Variants in ZNF548 observed in about 807,000 individuals in gnomAD.
ZNF548 encodes zinc finger protein 548.
In ZNF548, 10 loss-of-function variants were observed where a neutral mutation model predicts 10.2. The observed-to-expected ratio is 0.98, with a 90% CI of 0.60 to 1.66. The LOEUF (loss-of-function observed/expected upper bound fraction) is 1.66, where lower values mean the gene tolerates loss of function less well. Ranked by LOEUF, ZNF548 falls within the 40% of genes most tolerant of loss-of-function variation. ZNF548 has a pLI of 0.00. For missense variants in ZNF548, 599 were observed against 657.0 expected (o/e 0.91, Z 0.97); for synonymous variants, 217 against 223.5 (o/e 0.97, Z 0.26).
intron 3 of ZNF548, 128 bp downstream of exon 3, chr19:57,397,302 T>C (rs1188380902): frequency 7.3e-7 from 1 of 1,364,644 alleles, no homozygotes; most frequent in Non-Finnish European, 9.7e-7. Context: ...TTGGCATATA[T>C]GCTGTGGGAG....
intron 1 of ZNF548, among the ~76,000 whole-genome samples, chr19:57,391,939 A>G (rs2088629477): frequency 6.6e-6 from 1 of 152,030 alleles, no homozygotes; most frequent in African/African-American, 2.4e-5. Context: ...CTGGGATTAC[A>G]GGTGCCCACC....
chr19:57,390,335 T>TG, intron 1 of ZNF548: 1 of 432,902 alleles, frequency 2.3e-6, no homozygotes, highest in Middle Eastern at 6.0e-4. Flanking sequence ...GCGTCAGGGG[T>TG]GTGTGTTGTT....
Position 57,402,922 on chromosome 19 carries a change from T to C in ZNF548, c.*3033T>C, listed in dbSNP as rs534494416. 2 of 152,218 alleles carry C rather than the reference T, an allele frequency of 1.3e-5. No homozygotes were observed. Among genetic ancestry groups the C allele is most frequent in the South Asian group, 4.1e-4 (2 of 4,834 alleles). The allele number at this position is 152,218 out of a possible 1,614,324, so 9.4% of individuals were successfully genotyped here. The stretch of plus-strand genomic sequence containing the variant: ...TGCCAGTGCCTATTTAAAAATGTCA[T>C]CTCTTTTCTACCAACTGGCAAAGAG... On this transcript the variant is annotated 3_prime_UTR_variant, in exon 4 of 4. Transcript: ENST00000336128.
rs774157669 is a variant in ZNF548, at chr19:57,399,463, T to G, written c.1212T>G (p.Pro404=). 9.3e-6 allele frequency: 15 copies of G among 1,613,972 alleles called. No individual in the cohort carries two copies. The highest frequency in any genetic ancestry group is 6.6e-5 in the South Asian group (6 of 91,084). Residue 404 remains proline (P), a synonymous_variant, in exon 4 of 4, where the codon CCT becomes CCG. Coordinates refer to ENST00000336128, the MANE Select transcript of ZNF548 (RefSeq NM_001172773.2). This position sits in a 1 kb window ranked among gnomAD's most constrained non-coding sequence, Gnocchi z 4.0. Reference sequence around the variant, plus strand: ...GGAGAAATCACACTGGAGAAAGGCCTTATAAATGCAGTGAATGTGGGAAAT... The same window carrying G: ...GGAGAAATCACACTGGAGAAAGGCCGTATAAATGCAGTGAATGTGGGAAAT... ...KHWRNHTGER[P]YKCSECGKSF... is the part of the protein sequence containing the mutation.
In ZNF548 at chr19:57,394,259, G is replaced by C. The variant is rs748401308; in HGVS notation, c.51+36G>C. 7 of 1,593,232 alleles carry C rather than the reference G, an allele frequency of 4.4e-6. No homozygotes were observed. In the South Asian group the frequency reaches 7.8e-5, roughly 18 times the overall value. Reference sequence around the variant, plus strand: ...TGTTTCCTACTATTCACCCACCCTGGTTATCTCCCAGATGGTTTTGGCAGG... The same window carrying C: ...TGTTTCCTACTATTCACCCACCCTGCTTATCTCCCAGATGGTTTTGGCAGG... On this transcript the variant is annotated intron_variant, in intron 2 of 3. Coordinates refer to ENST00000336128, the MANE Select transcript of ZNF548 (RefSeq NM_001172773.2).
chr19:57,394,113 C>G, intron 1 of ZNF548, 75 bp from the exon 2 acceptor site: 1 of 1,477,502 alleles, frequency 6.8e-7, no homozygotes, highest in South Asian at 1.2e-5. Flanking sequence ...GCAGGGCAGA[C>G]GAGGTGGTGG....
rs761486966 is a variant in ZNF548 at position 57,394,218 on chromosome 19, A to G, written c.46A>G (p.Thr16Ala). ...CCTGGCGATGGCAGAAATGGACCCT[A>G]CACAGGTGAGTAGAGTGTTTCCTAC... ...GPLAMAEMDP[T>A]QGRVVFEDVA... is the part of the protein sequence containing the mutation. The change falls in exon 2 of 4, where the codon ACA (threonine) becomes GCA (alanine). Residue 16 changes from threonine (T) to alanine (A), a missense_variant. Thr to Ala is a moderately conservative substitution (Grantham distance 58, BLOSUM62 0). Transcript: ENST00000336128. The G allele has an allele frequency of 1.2e-6, 2 of 1,604,372 alleles. No homozygotes were observed. Among genetic ancestry groups the G allele is most frequent in the African/African-American group, 1.3e-5 (1 of 74,902 alleles).
Position 57,398,553 on chromosome 19 carries a change from G to A in ZNF548, c.302G>A (p.Cys101Tyr), listed in dbSNP as rs1221109186. Residue 101 changes from cysteine to tyrosine, a missense_variant, in exon 4 of 4, where the codon TGT becomes TAT. Physicochemically the swap from Cys to Tyr is radical, Grantham distance 194. Transcript: ENST00000336128. ...SSQKVHPSET[C>Y]GPPLKDILCL... ...CAGAAGGTCCACCCTAGTGAGACATGTGGCCCACCCTTGAAAGACATTCTG... is the reference window on the plus strand; with the variant it reads ...CAGAAGGTCCACCCTAGTGAGACATATGGCCCACCCTTGAAAGACATTCTG... 6.2e-7 allele frequency: 1 copy of A among 1,614,082 alleles called. No individual in the cohort carries two copies. The highest frequency in any genetic ancestry group is 1.1e-5 in the South Asian group (1 of 91,090).
In ZNF548 at chr19:57,399,605, T is replaced by C; in HGVS notation, c.1354T>C (p.Trp452Arg). The C allele has an allele frequency of 6.2e-7, 1 of 1,611,394 alleles. No individual in the cohort carries two copies. Among genetic ancestry groups the C allele is most frequent in the Non-Finnish European group, 8.5e-7 (1 of 1,179,094 alleles). ...FRYNSNLIKH[W>R]RNHTGERPYE... Reference sequence around the variant, plus strand: ...TTACAACTCCAACCTCATTAAACATTGGAGAAATCACACTGGAGAAAGGCC... The same window carrying C: ...TTACAACTCCAACCTCATTAAACATCGGAGAAATCACACTGGAGAAAGGCC... Residue 452 changes from tryptophan to arginine, a missense_variant, in exon 4 of 4, where the codon TGG becomes CGG. Physicochemically the swap from Trp to Arg is moderately radical, Grantham distance 101. Transcript: ENST00000336128. The surrounding 1 kb of genome is among the most constrained non-coding windows in gnomAD (Gnocchi z 4.0).
In ZNF548 at chr19:57,399,866, A is replaced by G. The variant is rs756502493; in HGVS notation, c.1615A>G (p.Thr539Ala). 42 of 1,601,012 alleles carry G rather than the reference A, an allele frequency of 2.6e-5. No homozygotes were observed. The highest frequency in any genetic ancestry group is 3.4e-5 in the Non-Finnish European group (40 of 1,171,106). Residue 539 changes from threonine (T) to alanine (A), a missense_variant, in exon 4 of 4, where the codon ACA (threonine) becomes GCA (alanine). Coordinates refer to ENST00000336128, the MANE Select transcript of ZNF548 (RefSeq NM_001172773.2). The surrounding 1 kb of genome is among the most constrained non-coding windows in gnomAD (Gnocchi z 4.0). ...TPTSLNIRDF[T>A]MEKVYH ...AACCTCATTAAACATCAGAGATTTCACAATGGAGAAAGTTTACCATTGACT... is the reference window on the plus strand; with the variant it reads ...AACCTCATTAAACATCAGAGATTTCGCAATGGAGAAAGTTTACCATTGACT...
chr19:57,399,036 A>G lies in ZNF548; in HGVS notation c.785A>G (p.Glu262Gly), dbSNP rs1229689810. The G allele has an allele frequency of 1.2e-6, 2 of 1,614,130 alleles. No homozygotes were observed. The highest frequency in any genetic ancestry group is 1.7e-6 in the Non-Finnish European group (2 of 1,180,036). ...AAACATCAGACAGTTCACACTAGTG[A>G]AAGGACTTATGAGTGCAGAGAATGT... is the stretch of plus-strand genomic sequence containing the variant. ...FMKHQTVHTS[E>G]RTYECRECGK... The change falls in exon 4 of 4, where the codon GAA (glutamate) becomes GGA (glycine). Residue 262 changes from glutamate (E) to glycine (G), a missense_variant. Physicochemically the swap from Glu to Gly is moderately conservative, Grantham distance 98 (BLOSUM62 -2). Transcript: ENST00000336128. The surrounding 1 kb of genome is among the most constrained non-coding windows in gnomAD (Gnocchi z 4.0).
intron 3 of ZNF548, 141 bp from the exon 4 acceptor site, chr19:57,398,289 C>CGG: frequency 5.4e-6 from 8 of 1,471,110 alleles, no homozygotes; most frequent in Non-Finnish European, 7.3e-6. Context: ...CATAGTGGAC[C>CGG]CTCCTCTCAC....
At chr19:57,391,855 G>A (rs867030931) in intron 1 of ZNF548, among the ~76,000 whole-genome samples, 1 of 141,528 alleles carries the variant, frequency 7.1e-6, no homozygotes, top group Non-Finnish European at 1.5e-5. Flanking sequence ...GTGCAGTGGC[G>A]CGATCTCGGC....
chr19:57,394,325 G>C, intron 2 of ZNF548, 102 bp downstream of exon 2: 1 of 1,260,322 alleles, frequency 7.9e-7, no homozygotes, highest in Non-Finnish European at 1.1e-6. Context: ...ATGTCTGAAG[G>C]GTGAGTGGTT....
Position 57,389,945 on chromosome 19 carries a change from G to A in ZNF548, c.-155G>A, listed in dbSNP as rs760124907. On this transcript the variant is annotated 5_prime_UTR_variant, in exon 1 of 4. It adds an upstream start codon to the 5' untranslated region. Transcript: ENST00000336128. ...TATGGCTCTGTCTGACGTCACCGAA[G>A]TGACGGAACGGAAAAGCGCGAGAAG... The A allele has an allele frequency of 4.3e-6, 4 of 929,342 alleles. No individual in the cohort carries two copies. Among genetic ancestry groups the A allele is most frequent in the Non-Finnish European group, 6.3e-6 (4 of 633,696 alleles). The allele number at this position is 929,342 out of a possible 1,614,324, so 57.6% of individuals were successfully genotyped here. A position where few individuals can be genotyped will look rare whatever the true frequency, so the allele number is the denominator to read the frequency against.
chr19:57,397,239 A>G, intron 3 of ZNF548, 65 bp downstream of exon 3: 1 of 1,488,838 alleles, frequency 6.7e-7, no homozygotes, highest in Non-Finnish European at 9.0e-7. Flanking sequence ...ACCCAAAGGC[A>G]GCTCTGCGTT....
At chr19:57,393,451 G>A (rs1438331250) in intron 1 of ZNF548, among the ~76,000 whole-genome samples, 1 of 150,876 alleles carries the variant, frequency 6.6e-6, no homozygotes, top group African/African-American at 2.4e-5. Context: ...ACCTGTGGTC[G>A]GGAGTTCGAG....
rs1026601683 is a variant in ZNF548, at chr19:57,398,515, C to G, written c.264C>G (p.Pro88=). The change falls in exon 4 of 4, where the codon CCC becomes CCG. Residue 88 remains proline, a synonymous_variant. Coordinates refer to ENST00000336128, the MANE Select transcript of ZNF548 (RefSeq NM_001172773.2). ...TGTCAGAGGTTACAGCTTCAAAGCCCTGTCTGTCCAGCCAGAAGGTCCACC... is the reference window on the plus strand; with the variant it reads ...TGTCAGAGGTTACAGCTTCAAAGCCGTGTCTGTCCAGCCAGAAGGTCCACC... ...VGVSEVTASK[P]CLSSQKVHPS... is the part of the protein sequence containing the mutation. The G allele has an allele frequency of 6.2e-7, 1 of 1,614,142 alleles. No homozygotes were observed. Among genetic ancestry groups the G allele is most frequent in the Non-Finnish European group, 8.5e-7 (1 of 1,179,968 alleles).
At chr19:57,393,496 A>G (rs373907151) in intron 1 of ZNF548, among the ~76,000 whole-genome samples, 2 of 151,444 alleles carry the variant, frequency 1.3e-5, no homozygotes, top group Non-Finnish European at 1.5e-5. Flanking sequence ...CCCTGTCTCT[A>G]CTAAAAATAC....
Sources: allele counts gnomAD v4.1 joint callset (sites outside exome capture counted in the v4.1 genomes callset), GRCh38; gene constraint gnomAD v4.1.1; non-coding constraint Gnocchi (gnomAD v3.1); transcripts MANE v1.5; gene names NCBI Gene and HGNC (gene_info 2026-07-23, HGNC 2026-07-21).